The following KIAA1210 variants were observed in gnomAD, a reference collection of about 807,000 sequenced individuals.
KIAA1210 encodes the protein acrosomal protein KIAA1210.
In KIAA1210, 48 loss-of-function variants were observed where a neutral mutation model predicts 78.9. The observed-to-expected ratio is 0.61, with a 90% CI of 0.48 to 0.77. KIAA1210 has a LOEUF of 0.77. Among genes scored for constraint, KIAA1210 ranks in the 30% least tolerant of loss-of-function variants. The pLI is 0.00. For missense variants in KIAA1210, 1,108 were observed against 1,100.0 expected (o/e 1.01, Z -0.10); for synonymous variants, 406 against 404.5 (o/e 1.00, Z -0.04).
chrX:119,149,040 G>A (rs1270400828), intron 1 of KIAA1210, among the ~76,000 whole-genome samples: 2 of 107,433 alleles, frequency 1.9e-5, no homozygotes, highest in Non-Finnish European at 3.9e-5. Context: ...GGGGGTGTTA[G>A]GGGGATGGAG....
chrX:119,134,322 G>A (rs1314900619), intron 2 of KIAA1210, among the ~76,000 whole-genome samples: 1 of 112,293 alleles, frequency 8.9e-6, no homozygotes, highest in Non-Finnish European at 1.9e-5. Flanking sequence ...CTTTTACATA[G>A]CCAAGTAGTA....
At chrX:119,092,143 C>A (rs2147173925) in intron 8 of KIAA1210, among the ~76,000 whole-genome samples, 1 of 111,959 alleles carries the variant, frequency 8.9e-6, no homozygotes, top group South Asian at 3.8e-4. Context: ...CAAAGAAATT[C>A]TTGGAATGCC....
At position 119,107,169 on chromosome X, in the gene KIAA1210, A is replaced by G. The variant is rs377147140; in HGVS notation, c.492+1168T>C. Among the ~76,000 whole-genome samples the G allele has an allele frequency of 1.4e-3, 154 of 113,176 alleles. 1 individual carries two copies. Among genetic ancestry groups the G allele is most frequent in the African/African-American group, 4.5e-3 (141 of 31,197 alleles). ...AGGGATCAGGCCAAAAGTGTGAGGT[A>G]TAGGCCCAAGCCAAACATTTAAGAA... On this transcript the variant is annotated intron_variant, in intron 5 of 11. Coordinates refer to ENST00000691062, the MANE Select transcript of KIAA1210 (RefSeq NM_001394962.1).
chrX:119,145,014 G>A (rs374075400), intron 2 of KIAA1210, among the ~76,000 whole-genome samples: 51 of 111,609 alleles, frequency 4.6e-4, no homozygotes, highest in African/African-American at 1.4e-3. Flanking sequence ...AATTACTTGC[G>A]ATAAAATAAA....
At chrX:119,116,273 A>T (rs1204362304) in intron 3 of KIAA1210, among the ~76,000 whole-genome samples, 1 of 112,215 alleles carries the variant, frequency 8.9e-6, no homozygotes, top group Non-Finnish European at 1.9e-5. Context: ...CCATGCTCCA[A>T]CCCACTGAGA....
intron 3 of KIAA1210, among the ~76,000 whole-genome samples, chrX:119,114,807 A>C (rs1209219661): frequency 1.8e-5 from 2 of 112,226 alleles, no homozygotes; most frequent in African/African-American, 6.5e-5. Flanking sequence ...TCAGAAATGA[A>C]AACTCTTGTC....
chrX:119,136,195 A>T (rs1234051809), intron 2 of KIAA1210, among the ~76,000 whole-genome samples: 3 of 112,268 alleles, frequency 2.7e-5, no homozygotes, highest in African/African-American at 9.7e-5. Flanking sequence ...TGGAGACACC[A>T]GGAGTCATTT....
intron 6 of KIAA1210, among the ~76,000 whole-genome samples, chrX:119,101,912 T>C (rs1927745604): frequency 8.9e-6 from 1 of 112,653 alleles, no homozygotes; most frequent in Non-Finnish European, 1.9e-5. Flanking sequence ...TTTTCATGTC[T>C]GTAAAATGGG....
At chrX:119,097,030 C>T (rs1025038113) in intron 6 of KIAA1210, among the ~76,000 whole-genome samples, 2 of 111,454 alleles carry the variant, frequency 1.8e-5, no homozygotes, top group African/African-American at 6.5e-5. Flanking sequence ...CCTAGATCCC[C>T]TTCTTATCAA....
chrX:119,085,446 C>G lies in KIAA1210; in HGVS notation c.4257G>C (p.Val1419=), dbSNP rs1955741258. The G allele has an allele frequency of 8.3e-7, 1 of 1,211,797 alleles. No homozygotes were observed. Among genetic ancestry groups the G allele is most frequent in the African/African-American group, 1.7e-5 (1 of 57,888 alleles). The part of the protein sequence containing the change: ...KQKSFKAHIS[V]KELKTKSNAG... ...CATTGCTCTTAGTTTTCAGCTCTTT[C>G]ACAGAAATGTGGGCCTTGAAACTCT... The change falls in exon 10 of 12, where the codon GTG becomes GTC. Residue 1419 remains valine (V), a synonymous_variant. Transcript: ENST00000691062.
chrX:119,093,854 A>C, intron 7 of KIAA1210, 79 bp from the exon 8 acceptor site: 2 of 980,595 alleles, frequency 2.0e-6, no homozygotes, highest in Non-Finnish European at 2.8e-6. Context: ...AAGAAAAAGC[A>C]TCAGGAAAAA....
chrX:119,132,367 G>A (rs930459829), upstream of KIAA1210, among the ~76,000 whole-genome samples: 7 of 111,577 alleles, frequency 6.3e-5, no homozygotes, highest in African/African-American at 2.0e-4. Flanking sequence ...TGCAGATGAA[G>A]CCAAAACTGG....
intron 1 of KIAA1210, among the ~76,000 whole-genome samples, chrX:119,147,839 G>A (rs1162171704): frequency 2.7e-5 from 3 of 112,054 alleles, no homozygotes; most frequent in Non-Finnish European, 5.6e-5. Flanking sequence ...GAGAGACTGG[G>A]GTTGCTAAAA....
intron 8 of KIAA1210, among the ~76,000 whole-genome samples, chrX:119,091,258 A>G (rs1927359124): frequency 8.9e-6 from 1 of 112,397 alleles, no homozygotes; most frequent in Non-Finnish European, 1.9e-5. Flanking sequence ...TAAAAAGAGC[A>G]TACTTATACA....
intron 3 of KIAA1210, among the ~76,000 whole-genome samples, chrX:119,111,796 G>A (rs1928082109): frequency 9.0e-6 from 1 of 110,964 alleles, no homozygotes; most frequent in African/African-American, 3.3e-5. Context: ...CTAAATATGA[G>A]AGCTAAAACT....
intron 2 of KIAA1210, 38 bp downstream of exon 2, chrX:119,123,544 T>A: frequency 7.7e-6 from 8 of 1,038,708 alleles, no homozygotes; most frequent in Non-Finnish European, 1.1e-5. Context: ...AGTAAACAAA[T>A]CTAATTCTGG....
chrX:119,143,738 A>G (rs1292554866), intron 2 of KIAA1210, among the ~76,000 whole-genome samples: 1 of 112,289 alleles, frequency 8.9e-6, no homozygotes, highest in Non-Finnish European at 1.9e-5. Context: ...TTGTTTGTCA[A>G]CATAAGGTGA....
rs771741948 is a variant in KIAA1210 at position 119,116,593 on chromosome X, T to C, written c.133A>G (p.Thr45Ala). 1 of 1,208,268 alleles carries C rather than the reference T, an allele frequency of 8.3e-7. No individual in the cohort carries two copies. Among genetic ancestry groups the C allele is most frequent in the Non-Finnish European group, 1.1e-6 (1 of 892,685 alleles). ...VKKKEKEAED[T>A]QEEEMLELSL... ...AGTTCTAGCATTTCTTCTTCCTGGG[T>C]ATCTTCGGCTTCTTTTTCCTTCTTC... is the stretch of plus-strand genomic sequence containing the variant. The change falls in exon 3 of 12, where the codon ACC becomes GCC. Residue 45 changes from threonine (T) to alanine (A), a missense_variant. By Grantham distance (58) the Thr-to-Ala change is moderately conservative. Transcript: ENST00000691062.
rs546430212 is a variant in KIAA1210 at position 119,150,471 on chromosome X, T to A, written c.109A>T (p.Ile37Phe). 1.2e-4 allele frequency: 141 copies of A among 1,209,915 alleles called. 1 individual carries two copies. The South Asian group carries it at 2.3e-3, about 20-fold the overall frequency. The stretch of plus-strand genomic sequence containing the variant: ...CCTTGGGAATACGCTCGACTTCCAA[T>A]CCTGGCCCCTCGGTCCCTGGGGCCC... Residue 37 changes from isoleucine (I) to phenylalanine (F), a missense_variant, in exon 1 of 14, where the codon ATT becomes TTT. Coordinates refer to the KIAA1210 transcript ENST00000402510.
Sources: gnomAD v4.1 joint callset for allele counts (sites outside exome capture counted in the v4.1 genomes callset) on GRCh38, gnomAD v4.1.1 for gene constraint, MANE v1.5 for transcripts, NCBI Gene and HGNC (gene_info 2026-07-23, HGNC 2026-07-21) for gene names.